ATP9B: variants seen among roughly 807,000 people sequenced by gnomAD.
ATP9B encodes the protein probable phospholipid-transporting ATPase IIB.
ATP9B carries 110 observed loss-of-function variants against 146.1 expected under a neutral mutation model. The observed-to-expected ratio is 0.75, with a 90% CI of 0.65 to 0.88. The LOEUF (loss-of-function observed/expected upper bound fraction) is 0.88, where lower values mean the gene tolerates loss of function less well. Among genes scored for constraint, ATP9B ranks in the 40% least tolerant of loss-of-function variants. The pLI is 0.00. For synonymous variants in ATP9B, 604 were observed against 569.7 expected, an observed-to-expected ratio of 1.06 and a Z score of -0.86; for missense variants, 1,499 against 1,496.4, an observed-to-expected ratio of 1.00 and a Z score of -0.03.
intron 15 of ATP9B, among the ~76,000 whole-genome samples, chr18:79,312,204 A>G (rs990770967): frequency 2.6e-5 from 4 of 152,194 alleles, no homozygotes; most frequent in Admixed American, 1.3e-4. Flanking sequence ...TTCCGGCCAC[A>G]TCAGTAATTC....
At chr18:79,234,800 AC>A (rs1314476402) in intron 11 of ATP9B, among the ~76,000 whole-genome samples, 1 of 152,204 alleles carries the variant, frequency 6.6e-6, no homozygotes, top group Admixed American at 6.5e-5. Context: ...GTTTATTGTC[AC>A]GTTCAGCTCT....
At chr18:79,365,664 G>C (rs904449859) in intron 26 of ATP9B, among the ~76,000 whole-genome samples, 5 of 152,224 alleles carry the variant, frequency 3.3e-5, no homozygotes, top group African/African-American at 1.2e-4. Context: ...ATGCGTGGAT[G>C]GAAGGACATC....
chr18:79,168,187 C>T (rs2095009880), intron 7 of ATP9B, among the ~76,000 whole-genome samples: 2 of 152,176 alleles, frequency 1.3e-5, no homozygotes, highest in South Asian at 4.1e-4. Flanking sequence ...CAGGAGCAAC[C>T]TCCGGAAAGC....
intron 15 of ATP9B, among the ~76,000 whole-genome samples, chr18:79,322,536 G>A (rs1312363057): frequency 6.6e-6 from 1 of 152,208 alleles, no homozygotes; most frequent in Non-Finnish European, 1.5e-5. Context: ...TTCAGCCCTG[G>A]CCACATCAGC....
intron 8 of ATP9B, among the ~76,000 whole-genome samples, chr18:79,180,955 C>T (rs186431700): frequency 1.1e-3 from 169 of 150,934 alleles, no homozygotes; most frequent in Non-Finnish European, 1.6e-3. Context: ...CCACCACGCC[C>T]GGCTAATTTT....
chr18:79,164,864 A>G (rs1207393835), intron 7 of ATP9B, among the ~76,000 whole-genome samples: 1 of 152,246 alleles, frequency 6.6e-6, no homozygotes, highest in Non-Finnish European at 1.5e-5. Context: ...AGAGACCACA[A>G]GAATGCTCAG....
intron 26 of ATP9B, among the ~76,000 whole-genome samples, chr18:79,371,370 TAAAAAAAAAAAAAAAAAA>T (rs59110010): frequency 1.8e-4 from 18 of 98,084 alleles, no homozygotes; most frequent in Admixed American, 4.4e-4. Flanking sequence ...GACTCCGTCT[TAAAAAAAAAAAAAAAAAA>T]AAAAAAAAAA....
At chr18:79,201,791 C>G (rs2095490915) in intron 9 of ATP9B, among the ~76,000 whole-genome samples, 1 of 152,058 alleles carries the variant, frequency 6.6e-6, no homozygotes, top group South Asian at 2.1e-4. Flanking sequence ...GAACTCCTGA[C>G]CTAGTGATCC....
chr18:79,275,568 C>T (rs908266322), intron 12 of ATP9B, among the ~76,000 whole-genome samples: 1 of 152,226 alleles, frequency 6.6e-6, no homozygotes, highest in Non-Finnish European at 1.5e-5. Context: ...GTCTTCAGCA[C>T]AGCTGATAAA....
chr18:79,091,156 C>T (rs1247657670), intron 1 of ATP9B, among the ~76,000 whole-genome samples: 2 of 152,238 alleles, frequency 1.3e-5, no homozygotes, highest in African/African-American at 4.8e-5. Context: ...TGTTTTTATG[C>T]CAGTAACTTG....
At chr18:79,304,507 A>G (rs958310458) in intron 14 of ATP9B, among the ~76,000 whole-genome samples, 3 of 152,186 alleles carry the variant, frequency 2.0e-5, no homozygotes, top group Non-Finnish European at 4.4e-5. Flanking sequence ...AAAAGCTTCA[A>G]GTTTTAGAAC....
At chr18:79,244,130 A>AC (rs370815156) in intron 11 of ATP9B, among the ~76,000 whole-genome samples, 21 of 150,498 alleles carry the variant, frequency 1.4e-4, no homozygotes, top group African/African-American at 4.4e-4. Flanking sequence ...TCTCCCCACT[A>AC]CCCCCCCTCC....
At chr18:79,183,296 G>A (rs989160928) in intron 8 of ATP9B, among the ~76,000 whole-genome samples, 6 of 152,054 alleles carry the variant, frequency 3.9e-5, no homozygotes, top group African/African-American at 1.4e-4. Flanking sequence ...CATATTTCAA[G>A]AATTTTGATT....
intron 13 of ATP9B, among the ~76,000 whole-genome samples, chr18:79,303,042 G>T (rs1042467581): frequency 1.3e-5 from 2 of 152,122 alleles, no homozygotes; most frequent in African/African-American, 4.8e-5. Flanking sequence ...AGGCAATGAC[G>T]GACTTTCTTC....
At chr18:79,224,587 C>G (rs1568440634) in intron 11 of ATP9B, among the ~76,000 whole-genome samples, 1 of 152,170 alleles carries the variant, frequency 6.6e-6, no homozygotes, top group Non-Finnish European at 1.5e-5. Flanking sequence ...AAAAACAGGT[C>G]ACGTGTGTGC....
At chr18:79,303,380 A>G (rs1006239824) in intron 13 of ATP9B, among the ~76,000 whole-genome samples, 2 of 152,150 alleles carry the variant, frequency 1.3e-5, no homozygotes, top group Admixed American at 1.3e-4. Flanking sequence ...AACACACAAA[A>G]ATGTTATAAA....
chr18:79,303,542 A>G (rs2096604864), intron 13 of ATP9B, 62 bp from the exon 14 acceptor site: 11 of 1,361,416 alleles, frequency 8.1e-6, no homozygotes, highest in Non-Finnish European at 1.2e-5. Flanking sequence ...CATGGTAGGA[A>G]AGCTGGGTGT....
chr18:79,334,946 G>A (rs73490246), intron 17 of ATP9B, among the ~76,000 whole-genome samples: 43 of 152,284 alleles, frequency 2.8e-4, no homozygotes, highest in African/African-American at 1.0e-3. Context: ...AGCGGGGTGG[G>A]TTTGTTTCTT....
At chr18:79,277,325 ATATT>A (rs1397978135) in intron 13 of ATP9B, 129 bp downstream of exon 13, 1 of 1,216,454 alleles carries the variant, frequency 8.2e-7, no homozygotes, top group Non-Finnish European at 1.1e-6. Context: ...CATTGAATCC[ATATT>A]TAGAATTTTT....
Sources: allele counts gnomAD v4.1 joint callset (sites outside exome capture counted in the v4.1 genomes callset), GRCh38; gene constraint gnomAD v4.1.1; transcripts MANE v1.5; gene names NCBI Gene and HGNC (gene_info 2026-07-23, HGNC 2026-07-21).